Variants in MYOF observed in about 807,000 individuals in gnomAD.
MYOF encodes the protein fer-1-like 3, myoferlin.
A neutral mutation model predicts 284.2 loss-of-function variants in MYOF; 244 were observed. The ratio of observed to expected loss-of-function variants is 0.86; its 90% confidence interval spans 0.77 to 0.95. The LOEUF (loss-of-function observed/expected upper bound fraction) is 0.95, where lower values mean the gene tolerates loss of function less well. Ranked by LOEUF, MYOF falls within the 40% of genes least tolerant of loss-of-function variation. The pLI, the probability that MYOF is intolerant of heterozygous loss-of-function variation, is 0.00. For missense variants in MYOF, 2,496 were observed against 2,560.6 expected, an observed-to-expected ratio of 0.97 and a Z score of 0.54; for synonymous variants, 904 against 919.7, an observed-to-expected ratio of 0.98 and a Z score of 0.31.
In MYOF at chr10:93,402,336, T is replaced by C. The variant is rs757592649; in HGVS notation, c.886A>G (p.Met296Val). ...FVYDEPGHAV[M>V]RKWLLLNDPE... ...TCATTGAGAAGAAGCCACTTTCTCA[T>C]GACAGCATGGCCTAAAATAGAGAAG... The change falls in exon 11 of 54, where the codon ATG becomes GTG. Residue 296 changes from methionine (M) to valine (V), a missense_variant. Around this residue, in one of 3 missense-constraint regions of MYOF, gnomAD observed 2,436 missense variants for 2,480.7 expected, o/e 0.98. Transcript: ENST00000359263. 6.2e-7 allele frequency: 1 copy of C among 1,613,512 alleles called. No homozygotes were observed. The highest frequency in any genetic ancestry group is 8.5e-7 in the Non-Finnish European group (1 of 1,179,560).
chr10:93,319,452 C>T (rs1842758332), intron 49 of MYOF, among the ~76,000 whole-genome samples: 1 of 152,118 alleles, frequency 6.6e-6, no homozygotes, highest in Admixed American at 6.5e-5. Flanking sequence ...GGCAGTGCCT[C>T]TGAGGGAGGT....
chr10:93,412,086 A>T (rs1847921207), intron 5 of MYOF, among the ~76,000 whole-genome samples: 1 of 152,212 alleles, frequency 6.6e-6, no homozygotes, highest in African/African-American at 2.4e-5. Flanking sequence ...TCCTTGATCC[A>T]ACCTACCCTT....
In MYOF at chr10:93,412,931, C is replaced by T. The variant is rs539570482; in HGVS notation, c.434-3192G>A. Among the ~76,000 whole-genome samples, 232 of 152,220 alleles carry T rather than the reference C, an allele frequency of 1.5e-3. 1 individual carries two copies. The highest frequency in any genetic ancestry group is 2.4e-3 in the Non-Finnish European group (164 of 68,022). ...TCCCCTCGGTAAACCTGTCCTGGACCGAGCAATGGCTGGGGCTGACAGCTG... is the reference window on the plus strand; with the variant it reads ...TCCCCTCGGTAAACCTGTCCTGGACTGAGCAATGGCTGGGGCTGACAGCTG... On this transcript the variant is annotated intron_variant, in intron 5 of 53. Coordinates refer to ENST00000359263, the MANE Select transcript of MYOF (RefSeq NM_013451.4).
chr10:93,426,352 G>A (rs1366639955), intron 4 of MYOF, among the ~76,000 whole-genome samples, 194 bp from the exon 5 acceptor site: 1 of 152,146 alleles, frequency 6.6e-6, no homozygotes, highest in South Asian at 2.1e-4. Context: ...CCAAGGCAGG[G>A]TGGGGAAGTA....
chr10:93,353,758 C>T, intron 32 of MYOF, 53 bp downstream of exon 32: 1 of 1,414,226 alleles, frequency 7.1e-7, no homozygotes, highest in Non-Finnish European at 9.7e-7. Context: ...AACACAGAAG[C>T]AAAATAGCAT....
At chr10:93,307,197 C>CCA (rs1554833988) in intron 53 of MYOF, among the ~76,000 whole-genome samples, 196 bp from the exon 54 acceptor site, 10 of 51,630 alleles carry the variant, frequency 1.9e-4, no homozygotes, top group African/African-American at 5.9e-4. Context: ...CACCCCCCCG[C>CCA]CAAGTTGTTG....
chr10:93,422,941 G>T (rs1467517123), intron 5 of MYOF, among the ~76,000 whole-genome samples: 1 of 151,918 alleles, frequency 6.6e-6, no homozygotes, highest in Admixed American at 6.6e-5. Context: ...TGGCAGAAGG[G>T]GTAACACAAG....
chr10:93,464,656 G>C (rs1376808750), intron 1 of MYOF, among the ~76,000 whole-genome samples: 1 of 152,114 alleles, frequency 6.6e-6, no homozygotes, highest in African/African-American at 2.4e-5. Context: ...ATTCAGACGA[G>C]ATATATAATC....
chr10:93,347,651 A>G lies in MYOF; in HGVS notation c.4215T>C (p.Tyr1405=), dbSNP rs558588477. ...GTGGGACGATGTCCTCTTTCCCTGCATAAGGGTCACAGCGAAAGCGGTCCA... is the reference window on the plus strand; with the variant it reads ...GTGGGACGATGTCCTCTTTCCCTGCGTAAGGGTCACAGCGAAAGCGGTCCA... The part of the protein sequence containing the change: ...ERLDRFRCDP[Y]AGKEDIVPQL... The change falls in exon 37 of 54, where the codon TAT becomes TAC. Residue 1405 remains tyrosine, a synonymous_variant. Coordinates refer to ENST00000359263, the MANE Select transcript of MYOF (RefSeq NM_013451.4). 1.3e-5 allele frequency: 21 copies of G among 1,613,610 alleles called. No individual in the cohort carries two copies. Among genetic ancestry groups the G allele is most frequent in the Middle Eastern group, 3.4e-4 (2 of 5,958 alleles).
At chr10:93,451,301 C>A (rs1471072829) in intron 3 of MYOF, among the ~76,000 whole-genome samples, 3 of 152,112 alleles carry the variant, frequency 2.0e-5, no homozygotes, top group Non-Finnish European at 2.9e-5. Flanking sequence ...GATTGTGCCA[C>A]TGCACTCCAG....
chr10:93,406,395 G>A (rs1428183387), intron 7 of MYOF, among the ~76,000 whole-genome samples: 1 of 144,340 alleles, frequency 6.9e-6, no homozygotes, highest in Non-Finnish European at 1.5e-5. Flanking sequence ...CTTCTCTTTT[G>A]CCAAGAGGTC....
At position 93,410,438 on chromosome 10, in the gene MYOF, T is replaced by C. The variant is rs79172058; in HGVS notation, c.434-699A>G. 8.4e-3 allele frequency among the ~76,000 whole-genome samples: 1,285 copies of C among 152,212 alleles called. 16 individuals carry two copies. Among genetic ancestry groups the C allele is most frequent in the African/African-American group, 0.029 (1,225 of 41,534 alleles). On this transcript the variant is annotated intron_variant, in intron 5 of 53. Transcript: ENST00000359263. ...GCATTAGATCCTGCTACCTCCTGAA[T>C]ATTTGCAGATCCTACTACCTCCTGA...
intron 43 of MYOF, among the ~76,000 whole-genome samples, chr10:93,331,773 G>A (rs1216983016): frequency 6.6e-6 from 1 of 152,084 alleles, no homozygotes. Context: ...GAAAGAATAC[G>A]TAAGGCTACA....
intron 32 of MYOF, 40 bp from the exon 33 acceptor site, chr10:93,351,886 A>G: frequency 6.5e-7 from 1 of 1,540,056 alleles, no homozygotes; most frequent in Non-Finnish European, 8.7e-7. Flanking sequence ...GCCACGGCTA[A>G]AATCTAACTC....
Position 93,310,574 on chromosome 10 carries a change from GC to G in MYOF, c.5958del (p.Arg1987GlyfsTer6). ...TTGGGGTTCATGTTGGGTTCGTCCCGCCCCTTCCCGGCTGGCCTCTCGTCGG... is the reference window on the plus strand; with the variant it reads ...TTGGGGTTCATGTTGGGTTCGTCCCGCCCTTCCCGGCTGGCCTCTCGTCGG... ...KEADERPAGK[G>X]RDEPNMNPKL... On this transcript the variant is annotated frameshift_variant, in exon 52 of 54. Transcript: ENST00000359263. LOFTEE classifies it high-confidence loss of function. 1 of 1,613,728 alleles carries G rather than the reference GC, an allele frequency of 6.2e-7. No homozygotes were observed. The highest frequency in any genetic ancestry group is 8.5e-7 in the Non-Finnish European group (1 of 1,179,856).
intron 12 of MYOF, 77 bp downstream of exon 12, chr10:93,401,341 T>C: frequency 6.4e-7 from 1 of 1,567,870 alleles, no homozygotes. Flanking sequence ...CACGAATCAC[T>C]ATTAAAGTTT....
At chr10:93,425,928 C>T in intron 5 of MYOF, 143 bp downstream of exon 5, 1 of 736,668 alleles carries the variant, frequency 1.4e-6, no homozygotes, top group Non-Finnish European at 2.3e-6. Flanking sequence ...TCAGGCAGCC[C>T]CACCTGCCTC....
intron 7 of MYOF, among the ~76,000 whole-genome samples, chr10:93,407,453 G>T (rs545972060): frequency 3.4e-5 from 5 of 147,442 alleles, no homozygotes; most frequent in African/African-American, 1.3e-4. Flanking sequence ...AAAAAAGGCC[G>T]GGTGTGGTGG....
At chr10:93,470,759 G>A (rs1277314376) in intron 1 of MYOF, among the ~76,000 whole-genome samples, 1 of 152,194 alleles carries the variant, frequency 6.6e-6, no homozygotes, top group African/African-American at 2.4e-5. Context: ...TAAGCTGCAT[G>A]TGGGCAGGGC....
Sources: gnomAD v4.1 joint callset for allele counts (sites outside exome capture counted in the v4.1 genomes callset) on GRCh38, gnomAD v4.1.1 for gene constraint, gnomAD v4.1.1 regional missense constraint, MANE v1.5 for transcripts, NCBI Gene and HGNC (gene_info 2026-07-23, HGNC 2026-07-21) for gene names.